The following TRPC6 variants were observed in gnomAD, a reference collection of about 807,000 sequenced individuals.
TRPC6 encodes short transient receptor potential channel 6.
In TRPC6, 55 loss-of-function variants were observed where a neutral mutation model predicts 90.7. The ratio of observed to expected loss-of-function variants is 0.61; its 90% CI spans 0.49 to 0.76. TRPC6 has a LOEUF of 0.76. Among genes scored for constraint, TRPC6 ranks in the 30% least tolerant of loss-of-function variants. The probability of loss-of-function intolerance (pLI) is 0.00; values close to 1 mark genes in which losing one functional copy is unlikely to be tolerated. For synonymous variants in TRPC6, 393 were observed against 393.0 expected (o/e 1.00, Z 0.00); for missense variants, 989 against 1,122.7 (o/e 0.88, Z 1.70).
intron 12 of TRPC6, 111 bp downstream of exon 12, chr11:101,453,539 C>T (rs916679717): frequency 7.6e-6 from 8 of 1,058,692 alleles, no homozygotes; most frequent in Non-Finnish European, 1.0e-5. Flanking sequence ...CTACTTTTCC[C>T]CTTGAAGTTC....
intron 10 of TRPC6, among the ~76,000 whole-genome samples, chr11:101,462,806 C>T (rs574010913): frequency 1.1e-4 from 16 of 152,284 alleles, no homozygotes; most frequent in Admixed American, 1.0e-3. Flanking sequence ...TTCTTTCTTT[C>T]TCTTGCCTGA....
intron 10 of TRPC6, among the ~76,000 whole-genome samples, chr11:101,464,956 T>G (rs1859107251): frequency 6.6e-6 from 1 of 152,222 alleles, no homozygotes; most frequent in Non-Finnish European, 1.5e-5. Flanking sequence ...TACTTAGTGC[T>G]TCCTTCAGGA....
chr11:101,479,834 GTT>G (rs1226544342), intron 5 of TRPC6, among the ~76,000 whole-genome samples: 1 of 80,108 alleles, frequency 1.2e-5, no homozygotes, highest in Admixed American at 9.9e-5. Context: ...ATATTCCTGT[GTT>G]TGTTAGGTTG....
At chr11:101,500,496 C>T (rs1860092456) in intron 2 of TRPC6, among the ~76,000 whole-genome samples, 1 of 151,940 alleles carries the variant, frequency 6.6e-6, no homozygotes, top group African/African-American at 2.4e-5. Flanking sequence ...GTGTGAGCCA[C>T]CATTCTCGGC....
At chr11:101,454,899 T>C (rs1176591858) in intron 11 of TRPC6, 119 bp downstream of exon 11, 2 of 708,042 alleles carry the variant, frequency 2.8e-6, no homozygotes, top group Non-Finnish European at 4.7e-6. Flanking sequence ...TAAATATTTA[T>C]TGAATTAATG....
intron 1 of TRPC6, among the ~76,000 whole-genome samples, chr11:101,554,405 T>C (rs1861517374): frequency 8.9e-6 from 1 of 112,050 alleles, no homozygotes; most frequent in Non-Finnish European, 1.8e-5. Context: ...AGTAGAGCAA[T>C]AGTAAAAAAA....
chr11:101,554,509 T>C (rs959226033), intron 1 of TRPC6, among the ~76,000 whole-genome samples: 1 of 152,052 alleles, frequency 6.6e-6, no homozygotes, highest in African/African-American at 2.4e-5. Context: ...ATAAAACATA[T>C]ATATAAATTG....
intron 1 of TRPC6, among the ~76,000 whole-genome samples, chr11:101,550,282 T>C (rs190259003): frequency 6.3e-4 from 96 of 151,670 alleles, no homozygotes; most frequent in African/African-American, 2.1e-3. Flanking sequence ...TTATGAAGAA[T>C]ACATATTACA....
intron 10 of TRPC6, among the ~76,000 whole-genome samples, chr11:101,462,621 G>A (rs749705217): frequency 4.6e-5 from 7 of 152,114 alleles, no homozygotes; most frequent in Non-Finnish European, 7.4e-5. Flanking sequence ...TGTTATGGGT[G>A]TATAGGAATG....
chr11:101,534,347 G>T (rs1055473458), intron 1 of TRPC6, among the ~76,000 whole-genome samples: 2 of 152,078 alleles, frequency 1.3e-5, no homozygotes, highest in African/African-American at 4.8e-5. Context: ...TGTTGGCCAG[G>T]CTGGTCTCGA....
intron 1 of TRPC6, among the ~76,000 whole-genome samples, chr11:101,521,165 C>T (rs1860650604): frequency 6.7e-6 from 1 of 150,292 alleles, no homozygotes; most frequent in Non-Finnish European, 1.5e-5. Context: ...TGTGACAGCC[C>T]CTTCTATCGC....
chr11:101,553,201 T>C (rs1861487007), intron 1 of TRPC6, among the ~76,000 whole-genome samples: 1 of 152,112 alleles, frequency 6.6e-6, no homozygotes, highest in Non-Finnish European at 1.5e-5. Flanking sequence ...ATGTAATAAT[T>C]CTAGACAGTG....
At position 101,471,165 on chromosome 11, in the gene TRPC6, C is replaced by G; in HGVS notation, c.2409+18G>C. On this transcript the variant is annotated intron_variant, in intron 9 of 12. Coordinates refer to ENST00000344327, the MANE Select transcript of TRPC6 (RefSeq NM_004621.6). ...ACAAAATTTAAGAATACAATGATAA[C>G]TTATCAAGCTAAGTTACCTTGTTCA... 6.2e-7 allele frequency: 1 copy of G among 1,612,856 alleles called. No individual in the cohort carries two copies. The highest frequency in any genetic ancestry group is 2.2e-5 in the East Asian group (1 of 44,856).
chr11:101,503,597 C>T (rs570577310), intron 2 of TRPC6, among the ~76,000 whole-genome samples: 1 of 152,188 alleles, frequency 6.6e-6, no homozygotes, highest in Non-Finnish European at 1.5e-5. Context: ...TCAACAGCAT[C>T]TATCACTGTG....
At chr11:101,486,824 A>C (rs1859688171) in intron 4 of TRPC6, among the ~76,000 whole-genome samples, 1 of 152,146 alleles carries the variant, frequency 6.6e-6, no homozygotes, top group Non-Finnish European at 1.5e-5. Flanking sequence ...ATCCCCTCCC[A>C]CAAAAAATCC....
chr11:101,544,346 G>GAAC (rs1320632011), intron 1 of TRPC6, among the ~76,000 whole-genome samples: 1 of 152,144 alleles, frequency 6.6e-6, no homozygotes, highest in African/African-American at 2.4e-5. Flanking sequence ...TCTAGAACTA[G>GAAC]AAATACCATT....
rs1272829066 is a variant in TRPC6, at chr11:101,521,860, T to C, written c.171-17062A>G. ...CTGGGTTTCAGACTTGTACAGGGCC[T>C]GTAACTCCTCCCTTTGGCTGATTTC... is the stretch of plus-strand genomic sequence containing the variant. On this transcript the variant is annotated intron_variant, in intron 1 of 12. Coordinates refer to ENST00000344327, the MANE Select transcript of TRPC6 (RefSeq NM_004621.6). 3.9e-5 allele frequency among the ~76,000 whole-genome samples: 6 copies of C among 152,246 alleles called. No individual in the cohort carries two copies. The East Asian group carries it at 1.2e-3, about 29-fold the overall frequency.
chr11:101,463,786 T>G (rs2136654845), intron 10 of TRPC6, among the ~76,000 whole-genome samples: 1 of 152,304 alleles, frequency 6.6e-6, no homozygotes, highest in Middle Eastern at 3.4e-3. Flanking sequence ...TTTGAAGGGT[T>G]TTTAGTGTCT....
At chr11:101,536,128 T>C (rs1861038997) in intron 1 of TRPC6, among the ~76,000 whole-genome samples, 1 of 152,206 alleles carries the variant, frequency 6.6e-6, no homozygotes, top group Admixed American at 6.5e-5. Flanking sequence ...GCCTCACGCC[T>C]GTAATCCCAA....
Sources: allele counts gnomAD v4.1 joint callset (sites outside exome capture counted in the v4.1 genomes callset), GRCh38; gene constraint gnomAD v4.1.1; transcripts MANE v1.5; gene names NCBI Gene and HGNC (gene_info 2026-07-23, HGNC 2026-07-21).